GABRB3: variants seen among roughly 807,000 people sequenced by gnomAD.
GABRB3 encodes the protein gamma-aminobutyric acid type A receptor subunit beta3.
A neutral mutation model predicts 52.1 loss-of-function variants in GABRB3; 14 were observed. That is an observed-to-expected ratio of 0.27 (90% CI 0.18 to 0.42). The LOEUF (loss-of-function observed/expected upper bound fraction) is 0.42, where lower values mean the gene tolerates loss of function less well. GABRB3 is among the 10% of genes least tolerant of loss of function. The pLI, the probability that GABRB3 is intolerant of heterozygous loss-of-function variation, is 1.00. For synonymous variants in GABRB3, 260 were observed against 232.3 expected, an observed-to-expected ratio of 1.12 and a Z score of -1.08; for missense variants, 307 against 609.1, an observed-to-expected ratio of 0.50 and a Z score of 5.22.
At chr15:26,752,224 C>CTTTAT (rs1566829678) in intron 3 of GABRB3, among the ~76,000 whole-genome samples, 1 of 146,646 alleles carries the variant, frequency 6.8e-6, no homozygotes, top group Non-Finnish European at 1.5e-5. Flanking sequence ...CGCTTGCTCT[C>CTTTAT]TTTATTTTAT....
At chr15:26,655,586 C>G (rs1457021246) in intron 3 of GABRB3, among the ~76,000 whole-genome samples, 1 of 151,994 alleles carries the variant, frequency 6.6e-6, no homozygotes, top group African/African-American at 2.4e-5. Flanking sequence ...ACTAAAAATA[C>G]AAAAAATTAG....
intron 3 of GABRB3, among the ~76,000 whole-genome samples, chr15:26,733,729 C>G (rs1889991745): frequency 1.3e-5 from 2 of 152,114 alleles, no homozygotes; most frequent in Non-Finnish European, 2.9e-5. Flanking sequence ...AAACTTACTA[C>G]AAAGCAACAG....
intron 3 of GABRB3, among the ~76,000 whole-genome samples, chr15:26,758,425 G>T (rs1002203217): frequency 2.0e-5 from 3 of 152,188 alleles, no homozygotes. Flanking sequence ...TAGAAACTCA[G>T]AGATGCGATA....
chr15:26,664,356 CT>C (rs1482457308), intron 3 of GABRB3, among the ~76,000 whole-genome samples: 1 of 152,062 alleles, frequency 6.6e-6, no homozygotes, highest in African/African-American at 2.4e-5. Flanking sequence ...GAGGGGCAGC[CT>C]ATTGTATTTA....
chr15:26,635,946 G>A (rs561298997), intron 3 of GABRB3, among the ~76,000 whole-genome samples: 1 of 152,304 alleles, frequency 6.6e-6, no homozygotes, highest in Non-Finnish European at 1.5e-5. Context: ...CAACAGTACT[G>A]CACTTGATAT....
At chr15:26,569,471 C>T (rs992841792) in intron 6 of GABRB3, 4 of 152,160 alleles carry the variant, frequency 2.6e-5, no homozygotes, top group Admixed American at 6.5e-5. Context: ...ACACAATTTT[C>T]GATTCTTCCT....
chr15:26,737,687 T>C (rs1890100191), intron 3 of GABRB3, among the ~76,000 whole-genome samples: 1 of 152,144 alleles, frequency 6.6e-6, no homozygotes, highest in South Asian at 2.1e-4. Context: ...AACTCTTTTA[T>C]ATATACAAGA....
At chr15:26,629,291 T>A in intron 3 of GABRB3, 1 of 900,352 alleles carries the variant, frequency 1.1e-6, no homozygotes, top group South Asian at 1.8e-5. Context: ...TCGAGGGGCG[T>A]GGCCCGTAGC....
At chr15:26,767,523 A>G (rs1891031752) in intron 3 of GABRB3, among the ~76,000 whole-genome samples, 1 of 152,170 alleles carries the variant, frequency 6.6e-6, no homozygotes, top group Admixed American at 6.5e-5. Flanking sequence ...GAAACCTCCG[A>G]CTGAATTCCT....
intron 3 of GABRB3, among the ~76,000 whole-genome samples, chr15:26,677,664 T>C (rs1888111465): frequency 6.6e-6 from 1 of 152,210 alleles, no homozygotes; most frequent in African/African-American, 2.4e-5. Flanking sequence ...GAACCAAAAT[T>C]ACAATACTAC....
intron 3 of GABRB3, among the ~76,000 whole-genome samples, chr15:26,739,934 A>G (rs957192415): frequency 6.6e-6 from 1 of 152,338 alleles, no homozygotes; most frequent in Admixed American, 6.5e-5. Context: ...GAGATTTGCT[A>G]GAGCAAGCCT....
At chr15:26,588,581 C>T (rs146011069) in intron 4 of GABRB3, among the ~76,000 whole-genome samples, 118 of 152,208 alleles carry the variant, frequency 7.8e-4, no homozygotes, top group Middle Eastern at 6.8e-3. Context: ...ATACAAGATA[C>T]ATTCAACTTT....
At chr15:26,643,244 G>A (rs148144540) in intron 3 of GABRB3, among the ~76,000 whole-genome samples, 26 of 152,234 alleles carry the variant, frequency 1.7e-4, no homozygotes, top group East Asian at 7.8e-4. Context: ...GCACTGCCCC[G>A]TGCCCCCATC....
At chr15:26,591,635 T>G (rs1328921749) in intron 4 of GABRB3, among the ~76,000 whole-genome samples, 2 of 152,134 alleles carry the variant, frequency 1.3e-5, no homozygotes, top group Non-Finnish European at 2.9e-5. Context: ...GAGAAGTTCT[T>G]AAGGACTACA....
chr15:26,729,698 T>A (rs998451029), intron 3 of GABRB3, among the ~76,000 whole-genome samples: 3 of 152,152 alleles, frequency 2.0e-5, no homozygotes, highest in African/African-American at 7.2e-5. Context: ...GCAGAAAGGT[T>A]CACACCATCT....
chr15:26,746,716 G>A lies in GABRB3; in HGVS notation c.240+25686C>T, dbSNP rs544650782. Among the ~76,000 whole-genome samples the A allele has an allele frequency of 6.8e-4, 103 of 152,016 alleles. 1 individual carries two copies. Among genetic ancestry groups the A allele is most frequent in the African/African-American group, 2.3e-3 (97 of 41,470 alleles). On this transcript the variant is annotated intron_variant, in intron 3 of 8. Transcript: ENST00000311550. ...AAAAATCAGCTGGGTGGCCAGGCAC[G>A]GTGGCTCACACCTGTAATCCCAGCA...
At chr15:26,660,231 GA>G (rs1262318777) in intron 3 of GABRB3, among the ~76,000 whole-genome samples, 197 of 137,600 alleles carry the variant, frequency 1.4e-3, no homozygotes, top group East Asian at 4.2e-3. Flanking sequence ...CTCCATCTCG[GA>G]AAAAAAAAAA....
At chr15:26,640,588 T>C (rs1012849230) in intron 3 of GABRB3, among the ~76,000 whole-genome samples, 1 of 152,276 alleles carries the variant, frequency 6.6e-6, no homozygotes, top group African/African-American at 2.4e-5. Flanking sequence ...AAGTTAATTG[T>C]ACCTTTTCCT....
chr15:26,544,550 T>G lies in GABRB3; in HGVS notation c.*3243A>C, dbSNP rs1230966806. 1 of 152,212 alleles carries G rather than the reference T, an allele frequency of 6.6e-6. No homozygotes were observed. Among genetic ancestry groups the G allele is most frequent in the Admixed American group, 6.5e-5 (1 of 15,274 alleles). 9.4% of individuals were successfully genotyped at this position (152,212 alleles called of 1,614,324 possible). On this transcript the variant is annotated 3_prime_UTR_variant, in exon 9 of 9. Coordinates refer to ENST00000311550, the MANE Select transcript of GABRB3 (RefSeq NM_000814.6). ...TCGTTTGAGATTCAGGGGAAATGGA[T>G]GTCGCATGGTATAGACAGTGAAACC...
Sources: allele counts gnomAD v4.1 joint callset (sites outside exome capture counted in the v4.1 genomes callset), GRCh38; gene constraint gnomAD v4.1.1; transcripts MANE v1.5; gene names NCBI Gene and HGNC (gene_info 2026-07-23, HGNC 2026-07-21).